ASAP2: variants seen among roughly 807,000 people sequenced by gnomAD.
ASAP2 encodes the protein arf-GAP with SH3 domain, ANK repeat and PH domain-containing protein 2.
A neutral mutation model predicts 131.4 loss-of-function variants in ASAP2; 45 were observed. The observed-to-expected ratio is 0.34, with a 90% CI of 0.27 to 0.44. ASAP2 has a LOEUF of 0.44. Ranked by LOEUF, ASAP2 falls within the 20% of genes least tolerant of loss-of-function variation. The probability of loss-of-function intolerance (pLI) is 1.00; values close to 1 mark genes in which losing one functional copy is unlikely to be tolerated. For missense variants in ASAP2, 1,011 were observed against 1,297.0 expected, an observed-to-expected ratio of 0.78 and a Z score of 3.39; for synonymous variants, 510 against 503.0, an observed-to-expected ratio of 1.01 and a Z score of -0.19.
chr2:9,338,715 A>T (rs73148736), intron 9 of ASAP2, among the ~76,000 whole-genome samples: 1 of 152,150 alleles, frequency 6.6e-6, no homozygotes, highest in African/African-American at 2.4e-5. Flanking sequence ...TCTTCAGGGG[A>T]TCATGCTCTG....
chr2:9,251,501 C>A (rs147689470), intron 1 of ASAP2, among the ~76,000 whole-genome samples: 3 of 152,120 alleles, frequency 2.0e-5, no homozygotes, highest in African/African-American at 4.8e-5. Context: ...TGATGTCCGT[C>A]GGGTGGGTTT....
In ASAP2 at chr2:9,232,961, T is replaced by C. The variant is rs545874073; in HGVS notation, c.126+25731T>C. ...GACGTGTTCCCAGCTGCAGTTTTGT[T>C]CTGTATCTATTGCCAGCAGGAATCC... On this transcript the variant is annotated intron_variant, in intron 1 of 27. Transcript: ENST00000281419. The surrounding 1 kb of genome is among the most constrained non-coding windows in gnomAD (Gnocchi z 4.1). Among the ~76,000 whole-genome samples the C allele has an allele frequency of 4.2e-4, 64 of 152,370 alleles. No homozygotes were observed. The highest frequency in any genetic ancestry group is 1.5e-3 in the African/African-American group (64 of 41,592).
intron 11 of ASAP2, among the ~76,000 whole-genome samples, chr2:9,350,203 G>A (rs527410569): frequency 4.6e-5 from 7 of 152,172 alleles, no homozygotes; most frequent in East Asian, 1.9e-4. Context: ...TGTCGTGTGT[G>A]GGGGAGAGGG....
chr2:9,213,164 T>G (rs988684228), intron 1 of ASAP2, among the ~76,000 whole-genome samples: 2 of 152,024 alleles, frequency 1.3e-5, no homozygotes, highest in African/African-American at 4.8e-5. Context: ...GAAACCGAAA[T>G]CAGGAAAAGC....
intron 24 of ASAP2, among the ~76,000 whole-genome samples, chr2:9,397,998 T>TC (rs1676310225): frequency 6.6e-6 from 1 of 151,166 alleles, no homozygotes; most frequent in Non-Finnish European, 1.5e-5. Flanking sequence ...GACCTCATGA[T>TC]CCGCCCGCCT....
At chr2:9,361,974 C>CATGT (rs1553321640) in intron 15 of ASAP2, among the ~76,000 whole-genome samples, 1 of 143,172 alleles carries the variant, frequency 7.0e-6, no homozygotes, top group African/African-American at 2.6e-5. Flanking sequence ...TCTTTCTCTG[C>CATGT]GTGTGTGTGT....
intron 1 of ASAP2, among the ~76,000 whole-genome samples, chr2:9,266,034 C>A (rs571531845): frequency 4.3e-4 from 65 of 152,230 alleles, no homozygotes; most frequent in Non-Finnish European, 6.8e-4. Context: ...CACCCCCTGC[C>A]TTGGCCTCCC....
intron 12 of ASAP2, 110 bp from the exon 13 acceptor site, chr2:9,355,937 C>T (rs946981178): frequency 2.3e-5 from 31 of 1,331,884 alleles, no homozygotes; most frequent in African/African-American, 4.4e-5. Flanking sequence ...TCAGTAATTT[C>T]GTAACAGAGA....
chr2:9,266,313 A>T (rs1419677639), intron 1 of ASAP2, among the ~76,000 whole-genome samples: 1 of 151,794 alleles, frequency 6.6e-6, no homozygotes, highest in Non-Finnish European at 1.5e-5. Context: ...CACCCGGCTA[A>T]TTTTTTTACT....
At position 9,268,774 on chromosome 2, in the gene ASAP2, G is replaced by C. The variant is rs564941388; in HGVS notation, c.127-10543G>C. ...CAGGCTGGCCTTTCGTCCGTGGAAC[G>C]AGGGGAGAGGAGATAGGACGGGAGA... On this transcript the variant is annotated intron_variant, in intron 1 of 27. Coordinates refer to ENST00000281419, the MANE Select transcript of ASAP2 (RefSeq NM_003887.3). The surrounding 1 kb of genome is among the most constrained non-coding windows in gnomAD (Gnocchi z 4.1). Among the ~76,000 whole-genome samples the C allele has an allele frequency of 2.0e-5, 3 of 152,328 alleles. No individual in the cohort carries two copies. In the East Asian group the frequency reaches 5.8e-4, roughly 29 times the overall value.
At chr2:9,366,811 A>C (rs929671409) in intron 15 of ASAP2, among the ~76,000 whole-genome samples, 2 of 152,142 alleles carry the variant, frequency 1.3e-5, no homozygotes, top group African/African-American at 4.8e-5. Context: ...AGGCTACCCC[A>C]CATAATTCTT....
At chr2:9,309,867 A>G (rs139475533) in intron 3 of ASAP2, among the ~76,000 whole-genome samples, 91 of 152,326 alleles carry the variant, frequency 6.0e-4, no homozygotes, top group Non-Finnish European at 1.1e-3. Context: ...GAAGAGGGGC[A>G]TGTAGCTATT....
At chr2:9,239,164 G>A (rs888270697) in intron 1 of ASAP2, among the ~76,000 whole-genome samples, 1 of 152,208 alleles carries the variant, frequency 6.6e-6, no homozygotes, top group African/African-American at 2.4e-5. Context: ...CACTGACTGA[G>A]ATGACCATAT....
chr2:9,373,779 C>T (rs1413514619), intron 16 of ASAP2, among the ~76,000 whole-genome samples: 1 of 152,228 alleles, frequency 6.6e-6, no homozygotes, highest in Non-Finnish European at 1.5e-5. Context: ...TCTGCCCCTG[C>T]CTGGCTCTTG....
In ASAP2 at chr2:9,405,234, A is replaced by T. The variant is rs1677117135; in HGVS notation, c.*1907A>T. On this transcript the variant is annotated 3_prime_UTR_variant, in exon 28 of 28. Transcript: ENST00000281419. ...TACCAGAGGAGAAATTATATTAACG[A>T]CCCTGCTAATATCCTTTCTTAGTTA... The T allele has an allele frequency of 6.6e-6, 1 of 152,216 alleles. No homozygotes were observed. Among genetic ancestry groups the T allele is most frequent in the African/African-American group, 2.4e-5 (1 of 41,442 alleles). 9.4% of individuals were successfully genotyped at this position (152,216 alleles called of 1,614,324 possible).
At position 9,397,743 on chromosome 2, in the gene ASAP2, T is replaced by C. The variant is rs995534104; in HGVS notation, c.2685-2280T>C. On this transcript the variant is annotated intron_variant, in intron 24 of 27. Coordinates refer to ENST00000281419, the MANE Select transcript of ASAP2 (RefSeq NM_003887.3). ...AATCAAAAGGATATATATATATATA[T>C]ATATATATTTTTTTTTTTTTTTTTT... Among the ~76,000 whole-genome samples, 2 of 93,446 alleles carry C rather than the reference T, an allele frequency of 2.1e-5. 1 individual carries two copies. Among genetic ancestry groups the C allele is most frequent in the African/African-American group, 1.6e-4 (2 of 12,302 alleles). The allele number at this position is 93,446 out of a possible 152,430, so 61.3% of individuals were successfully genotyped here. A position where few individuals can be genotyped will look rare whatever the true frequency, so the allele number is the denominator to read the frequency against.
At position 9,353,532 on chromosome 2, in the gene ASAP2, G is replaced by C. The variant is rs149905588; in HGVS notation, c.1112-2515G>C. On this transcript the variant is annotated intron_variant, in intron 12 of 27. Transcript: ENST00000281419. ...TGTTCGTGCCATTGCACTCCAGCTTGGACAACACAGCAAGACTGTCTAAAA... is the reference window on the plus strand; with the variant it reads ...TGTTCGTGCCATTGCACTCCAGCTTCGACAACACAGCAAGACTGTCTAAAA... Among the ~76,000 whole-genome samples, 387 of 150,352 alleles carry C rather than the reference G, an allele frequency of 2.6e-3. 2 individuals carry two copies. The highest frequency in any genetic ancestry group is 9.3e-3 in the African/African-American group (375 of 40,158).
At chr2:9,378,901 C>A (rs993609041) in intron 18 of ASAP2, 43 bp from the exon 19 acceptor site, 4 of 1,345,074 alleles carry the variant, frequency 3.0e-6, no homozygotes, top group Non-Finnish European at 2.9e-6. Flanking sequence ...GTCGTCCAGC[C>A]TGTGACACAC....
At chr2:9,320,484 G>A (rs1387337625) in intron 5 of ASAP2, 147 bp downstream of exon 5, 3 of 624,304 alleles carry the variant, frequency 4.8e-6, no homozygotes, top group Non-Finnish European at 8.4e-6. Flanking sequence ...TCATTTTGAT[G>A]ACAGATGTGT....
Sources: allele counts gnomAD v4.1 joint callset (sites outside exome capture counted in the v4.1 genomes callset), GRCh38; gene constraint gnomAD v4.1.1; non-coding constraint Gnocchi (gnomAD v3.1); transcripts MANE v1.5; gene names NCBI Gene and HGNC (gene_info 2026-07-23, HGNC 2026-07-21).